The following THSD4 variants were observed in gnomAD, a reference collection of about 807,000 sequenced individuals.
THSD4 encodes thrombospondin type 1 domain containing 4, also known as thrombospondin type-1 domain-containing protein 4.
In THSD4, 69 loss-of-function variants were observed where a neutral mutation model predicts 119.0. The ratio of observed to expected loss-of-function variants is 0.58; its 90% confidence interval spans 0.48 to 0.71. The LOEUF (loss-of-function observed/expected upper bound fraction) is 0.71, where lower values mean the gene tolerates loss of function less well. Ranked by LOEUF, THSD4 falls within the 30% of genes least tolerant of loss-of-function variation. The pLI, the probability that THSD4 is intolerant of heterozygous loss-of-function variation, is 0.00. For synonymous variants in THSD4, 524 were observed against 540.4 expected, an observed-to-expected ratio of 0.97 and a Z score of 0.42; for missense variants, 1,393 against 1,391.1, an observed-to-expected ratio of 1.00 and a Z score of -0.02.
chr15:71,375,100 G>C (rs1327795201), intron 6 of THSD4, among the ~76,000 whole-genome samples: 3 of 152,194 alleles, frequency 2.0e-5, no homozygotes, highest in African/African-American at 7.2e-5. Flanking sequence ...AACAATTCCA[G>C]GATGTTGCAA....
At chr15:71,754,804 A>G (rs1386975576) in intron 14 of THSD4, among the ~76,000 whole-genome samples, 1 of 140,782 alleles carries the variant, frequency 7.1e-6, no homozygotes, top group East Asian at 2.0e-4. Flanking sequence ...CATAGGAAAG[A>G]AGTGACAACC....
intron 6 of THSD4, among the ~76,000 whole-genome samples, chr15:71,301,342 A>G (rs1372801489): frequency 6.6e-6 from 1 of 152,240 alleles, no homozygotes; most frequent in Non-Finnish European, 1.5e-5. Flanking sequence ...GATTTTTCAC[A>G]TAATTTTTCA....
At chr15:71,244,333 A>G (rs2044180880) in intron 5 of THSD4, among the ~76,000 whole-genome samples, 1 of 152,254 alleles carries the variant, frequency 6.6e-6, no homozygotes, top group Admixed American at 6.5e-5. Flanking sequence ...TTTCTGAGCC[A>G]GTATATTTTT....
At chr15:71,624,503 G>T (rs2050473687) in intron 7 of THSD4, among the ~76,000 whole-genome samples, 2 of 152,206 alleles carry the variant, frequency 1.3e-5, no homozygotes, top group Non-Finnish European at 2.9e-5. Flanking sequence ...CTTTGCCATG[G>T]AGTGACAGCC....
intron 3 of THSD4, among the ~76,000 whole-genome samples, chr15:71,170,853 C>A (rs1596239584): frequency 6.6e-6 from 1 of 151,998 alleles, no homozygotes; most frequent in East Asian, 1.9e-4. Context: ...TAAAAAGACA[C>A]CCAAATCTAA....
At chr15:71,173,555 C>T (rs2043405072) in intron 3 of THSD4, among the ~76,000 whole-genome samples, 1 of 99,998 alleles carries the variant, frequency 1.0e-5, no homozygotes, top group Admixed American at 1.1e-4. Flanking sequence ...AATAGACCTA[C>T]ACACACACAC....
At chr15:71,407,579 C>A (rs139958631) in intron 6 of THSD4, among the ~76,000 whole-genome samples, 2,348 of 134,142 alleles carry the variant, frequency 0.018, 67 homozygotes, top group African/African-American at 0.061. Context: ...CCTAAATTTT[C>A]TTGTATAGTC....
At chr15:71,475,680 T>C (rs2047645905) in intron 7 of THSD4, among the ~76,000 whole-genome samples, 1 of 152,150 alleles carries the variant, frequency 6.6e-6, no homozygotes, top group Non-Finnish European at 1.5e-5. Context: ...CTTAGTGCTT[T>C]GGGAGCTTGA....
At chr15:71,374,240 A>G (rs1283994056) in intron 6 of THSD4, among the ~76,000 whole-genome samples, 1 of 152,200 alleles carries the variant, frequency 6.6e-6, no homozygotes, top group Non-Finnish European at 1.5e-5. Flanking sequence ...CTTTCTTTGC[A>G]AAGCACTCAG....
intron 7 of THSD4, among the ~76,000 whole-genome samples, chr15:71,455,614 A>G (rs1433896505): frequency 1.3e-5 from 2 of 152,184 alleles, no homozygotes; most frequent in Non-Finnish European, 2.9e-5. Context: ...TTGGGCTGTA[A>G]TAAAATGCTG....
chr15:71,406,646 GTGT>G (rs2046611680), intron 6 of THSD4, among the ~76,000 whole-genome samples: 1 of 6,638 alleles, frequency 1.5e-4, no homozygotes, highest in Non-Finnish European at 3.3e-4. Context: ...TTTGTTTGGT[GTGT>G]GTGTGTGTGT....
chr15:71,691,534 G>A (rs2052049232), intron 8 of THSD4, among the ~76,000 whole-genome samples: 1 of 152,186 alleles, frequency 6.6e-6, no homozygotes, highest in African/African-American at 2.4e-5. Context: ...ATCACTTTCT[G>A]GCTTCACAGC....
At chr15:71,776,464 T>G (rs1421442464) in intron 17 of THSD4, among the ~76,000 whole-genome samples, 1 of 152,212 alleles carries the variant, frequency 6.6e-6, no homozygotes, top group Non-Finnish European at 1.5e-5. Context: ...ATATACATGA[T>G]ATGTTCAGCC....
chr15:71,490,190 C>T (rs568189696), intron 7 of THSD4, among the ~76,000 whole-genome samples: 5 of 152,068 alleles, frequency 3.3e-5, no homozygotes, highest in African/African-American at 9.7e-5. Context: ...CTTTGGAGGC[C>T]GAGGCAGGTG....
At chr15:71,593,965 C>T (rs2049858650) in intron 7 of THSD4, among the ~76,000 whole-genome samples, 1 of 144,436 alleles carries the variant, frequency 6.9e-6, no homozygotes, top group East Asian at 2.2e-4. Context: ...TGTTTGAAAT[C>T]ACTAAGAATG....
At chr15:71,171,805 A>G (rs1306140498) in intron 3 of THSD4, among the ~76,000 whole-genome samples, 1 of 152,262 alleles carries the variant, frequency 6.6e-6, no homozygotes, top group Non-Finnish European at 1.5e-5. Context: ...CATTGCTGAA[A>G]GAAATTAAAG....
intron 7 of THSD4, among the ~76,000 whole-genome samples, chr15:71,504,680 G>GAA (rs1263869803): frequency 6.6e-6 from 1 of 152,194 alleles, no homozygotes; most frequent in Non-Finnish European, 1.5e-5. Context: ...GTACCCCTTA[G>GAA]CCAGTTTCAG....
chr15:71,409,892 T>A (rs528957512), intron 6 of THSD4, among the ~76,000 whole-genome samples: 6 of 152,172 alleles, frequency 3.9e-5, no homozygotes, highest in South Asian at 2.1e-4. Context: ...AACAGTTTTT[T>A]TTTTTTTGTT....
intron 8 of THSD4, among the ~76,000 whole-genome samples, chr15:71,723,349 G>A (rs1391772668): frequency 6.6e-6 from 1 of 152,168 alleles, no homozygotes; most frequent in Non-Finnish European, 1.5e-5. Flanking sequence ...TGCTAATTTG[G>A]ATGGTCAGGA....
Sources: gnomAD v4.1 joint callset for allele counts (sites outside exome capture counted in the v4.1 genomes callset) on GRCh38, gnomAD v4.1.1 for gene constraint, MANE v1.5 for transcripts, NCBI Gene and HGNC (gene_info 2026-07-23, HGNC 2026-07-21) for gene names.